Variants in GLIS1 observed in about 807,000 individuals in gnomAD.
GLIS1 encodes zinc finger protein GLIS1.
In GLIS1, 24 loss-of-function variants were observed where a neutral mutation model predicts 63.8. That is an observed-to-expected ratio of 0.38 (90% confidence interval 0.27 to 0.53). The LOEUF (loss-of-function observed/expected upper bound fraction) is 0.53, where lower values mean the gene tolerates loss of function less well. GLIS1 is among the 20% of genes least tolerant of loss of function. GLIS1 has a pLI of 0.85. For synonymous variants in GLIS1, 450 were observed against 482.5 expected, an observed-to-expected ratio of 0.93 and a Z score of 0.88; for missense variants, 1,036 against 1,074.1, an observed-to-expected ratio of 0.96 and a Z score of 0.50.
At chr1:53,573,319 T>G (rs562257772) in intron 4 of GLIS1, among the ~76,000 whole-genome samples, 1 of 152,158 alleles carries the variant, frequency 6.6e-6, no homozygotes, top group South Asian at 2.1e-4. Context: ...GCTTTCTCCC[T>G]CTAAGCTTTG....
intron 2 of GLIS1, among the ~76,000 whole-genome samples, chr1:53,609,279 T>TTTTC (rs1645402312): frequency 8.0e-6 from 1 of 124,734 alleles, no homozygotes; most frequent in Admixed American, 8.3e-5. Context: ...TTTTTTTTTT[T>TTTTC]TTTTTTTTTT....
At chr1:53,540,064 C>T (rs1287261698) in intron 4 of GLIS1, among the ~76,000 whole-genome samples, 3 of 152,216 alleles carry the variant, frequency 2.0e-5, no homozygotes, top group African/African-American at 7.2e-5. Context: ...AGTTCTCTCA[C>T]TGTCATCCCG....
chr1:53,558,074 CCCA>C (rs1644850497), intron 4 of GLIS1, among the ~76,000 whole-genome samples: 1 of 152,222 alleles, frequency 6.6e-6, no homozygotes, highest in Non-Finnish European at 1.5e-5. Flanking sequence ...GCTGGCAGTG[CCCA>C]GCCCTGCAGT....
chr1:53,677,121 C>T (rs1442618528), intron 2 of GLIS1, among the ~76,000 whole-genome samples: 2 of 152,262 alleles, frequency 1.3e-5, no homozygotes, highest in African/African-American at 2.4e-5. Flanking sequence ...CGCCGGCCTA[C>T]AGCTCTGATG....
chr1:53,674,194 A>AG (rs972397857), intron 2 of GLIS1, among the ~76,000 whole-genome samples: 1 of 150,960 alleles, frequency 6.6e-6, no homozygotes, highest in African/African-American at 2.4e-5. Flanking sequence ...AAAAAAGAAA[A>AG]GAAAAAAAAA....
chr1:53,702,171 T>C (rs532105579), intron 2 of GLIS1, among the ~76,000 whole-genome samples: 3 of 152,028 alleles, frequency 2.0e-5, no homozygotes, highest in African/African-American at 7.2e-5. Context: ...CTCCCCACCA[T>C]CACAGCAGCA....
At chr1:53,645,868 T>C (rs888513452) in intron 2 of GLIS1, among the ~76,000 whole-genome samples, 1 of 152,226 alleles carries the variant, frequency 6.6e-6, no homozygotes, top group African/African-American at 2.4e-5. Context: ...GCTTTCGTGG[T>C]GTCTACCTCA....
intron 4 of GLIS1, among the ~76,000 whole-genome samples, chr1:53,547,320 C>T (rs527806084): frequency 6.6e-6 from 1 of 152,198 alleles, no homozygotes; most frequent in Non-Finnish European, 1.5e-5. Flanking sequence ...TCCTTGGCCT[C>T]GGGGCTGTCT....
Position 53,657,281 on chromosome 1 carries a change from A to G in GLIS1, c.260-57003T>C, listed in dbSNP as rs1645976958. 2.0e-5 allele frequency among the ~76,000 whole-genome samples: 3 copies of G among 152,188 alleles called. No homozygotes were observed. The South Asian group carries it at 6.2e-4, about 32-fold the overall frequency. On this transcript the variant is annotated intron_variant, in intron 2 of 10. Coordinates refer to ENST00000628545, the MANE Select transcript of GLIS1 (RefSeq NM_001367484.1). ...TCAGAGACTCAAATCCATGCCACAG[A>G]GCTTTCTTTACCAAGTGGCTGGCAC...
At chr1:53,564,149 G>A (rs886494830) in intron 4 of GLIS1, among the ~76,000 whole-genome samples, 2 of 152,154 alleles carry the variant, frequency 1.3e-5, no homozygotes, top group Non-Finnish European at 2.9e-5. Flanking sequence ...TCTAATGCAC[G>A]GGGTTGAAGA....
Position 53,594,759 on chromosome 1 carries a change from G to C in GLIS1, c.669C>G (p.Gly223=). ...CYLLGSEPSS[G]LGLQPETHLP... is the part of the protein sequence containing the mutation. ...GGTGGGTCTCGGGCTGGAGGCCCAG[G>C]CCAGAGCTGGGTTCGCTGCCCAGAA... Residue 223 remains glycine, a synonymous_variant, in exon 4 of 11, where the codon GGC becomes GGG. Transcript: ENST00000628545. The C allele has an allele frequency of 6.3e-7, 1 of 1,593,926 alleles. No homozygotes were observed. Among genetic ancestry groups the C allele is most frequent in the Non-Finnish European group, 8.5e-7 (1 of 1,170,838 alleles).
At chr1:53,671,297 G>A (rs192402142) in intron 2 of GLIS1, among the ~76,000 whole-genome samples, 62 of 152,270 alleles carry the variant, frequency 4.1e-4, no homozygotes, top group African/African-American at 1.1e-3. Flanking sequence ...TTTAACATAC[G>A]GAGTCAACAA....
chr1:53,683,559 A>G (rs1423296785), intron 2 of GLIS1, among the ~76,000 whole-genome samples: 1 of 152,290 alleles, frequency 6.6e-6, no homozygotes, highest in Middle Eastern at 3.4e-3. Context: ...ACACGAGATC[A>G]TCCACATAAA....
intron 4 of GLIS1, among the ~76,000 whole-genome samples, chr1:53,572,596 G>A (rs902426291): frequency 6.6e-6 from 1 of 152,220 alleles, no homozygotes; most frequent in African/African-American, 2.4e-5. Flanking sequence ...GTCAGGGGAC[G>A]TTTACATTCC....
chr1:53,724,205 C>A (rs2100557139), intron 2 of GLIS1, among the ~76,000 whole-genome samples: 1 of 152,296 alleles, frequency 6.6e-6, no homozygotes, highest in East Asian at 1.9e-4. Flanking sequence ...AGGTAGAGGC[C>A]AAGGATGCTA....
At chr1:53,624,739 AT>A (rs1359903511) in intron 2 of GLIS1, among the ~76,000 whole-genome samples, 1 of 152,114 alleles carries the variant, frequency 6.6e-6, no homozygotes, top group Non-Finnish European at 1.5e-5. Context: ...AAAAAGCACC[AT>A]TTAGAAAGTG....
chr1:53,657,521 A>G (rs1460985470), intron 2 of GLIS1, among the ~76,000 whole-genome samples: 1 of 152,112 alleles, frequency 6.6e-6, no homozygotes, highest in Non-Finnish European at 1.5e-5. Flanking sequence ...GCCTGCCTTT[A>G]TAAGGACTGG....
rs1644237036 is a variant in GLIS1 at position 53,506,713 on chromosome 1, A to G, written c.2294T>C (p.Val765Ala). 1 of 1,613,244 alleles carries G rather than the reference A, an allele frequency of 6.2e-7. No individual in the cohort carries two copies. Residue 765 changes from valine to alanine, a missense_variant, in exon 11 of 11, where the codon GTG becomes GCG. Coordinates refer to ENST00000628545, the MANE Select transcript of GLIS1 (RefSeq NM_001367484.1). Reference sequence around the variant, plus strand: ...ACAGTCCTCGGGGCCGCTGGACACCACATCTTCAGATGGCTGCTGTGGCAG... The same window carrying G: ...ACAGTCCTCGGGGCCGCTGGACACCGCATCTTCAGATGGCTGCTGTGGCAG... ...TALPQQPSED[V>A]VSSGPEDCGF...
intron 2 of GLIS1, among the ~76,000 whole-genome samples, chr1:53,618,366 C>T (rs1001595519): frequency 2.0e-5 from 3 of 152,232 alleles, no homozygotes; most frequent in African/African-American, 7.2e-5. Flanking sequence ...GATAAGAAGC[C>T]CTTTCTCTAA....
Sources: allele counts gnomAD v4.1 joint callset (sites outside exome capture counted in the v4.1 genomes callset), GRCh38; gene constraint gnomAD v4.1.1; transcripts MANE v1.5; gene names NCBI Gene and HGNC (gene_info 2026-07-23, HGNC 2026-07-21).